TRAPPC9: variants seen among roughly 807,000 people sequenced by gnomAD.
TRAPPC9 encodes IKK2 binding protein.
TRAPPC9 carries 83 observed loss-of-function variants against 124.0 expected under a neutral mutation model. That is an observed-to-expected ratio of 0.67 (90% CI 0.56 to 0.80). TRAPPC9 has a LOEUF of 0.80. TRAPPC9 is among the 30% of genes least tolerant of loss of function. The pLI, the probability that TRAPPC9 is intolerant of heterozygous loss-of-function variation, is 0.00. For missense variants in TRAPPC9, 1,302 were observed against 1,508.3 expected, an observed-to-expected ratio of 0.86 and a Z score of 2.27; for synonymous variants, 638 against 617.5, an observed-to-expected ratio of 1.03 and a Z score of -0.49.
At chr8:140,033,683 T>TTG (rs1840683090) in intron 17 of TRAPPC9, among the ~76,000 whole-genome samples, 6 of 117,974 alleles carry the variant, frequency 5.1e-5, no homozygotes, top group East Asian at 2.4e-4. Flanking sequence ...TTTTTTTTTT[T>TTG]TTTTTTTTTT....
chr8:140,028,831 G>A (rs1840318427), intron 17 of TRAPPC9, among the ~76,000 whole-genome samples: 1 of 152,228 alleles, frequency 6.6e-6, no homozygotes. Flanking sequence ...CATATGCCAG[G>A]TGGGTAGGAG....
intron 21 of TRAPPC9, among the ~76,000 whole-genome samples, chr8:139,775,614 G>A (rs1821302552): frequency 6.6e-6 from 1 of 152,188 alleles, no homozygotes; most frequent in Admixed American, 6.5e-5. Context: ...GACATCTGAG[G>A]CCAGCCTGGT....
At chr8:140,381,806 C>G (rs1183457346) in intron 7 of TRAPPC9, among the ~76,000 whole-genome samples, 5 of 151,102 alleles carry the variant, frequency 3.3e-5, no homozygotes, top group African/African-American at 1.2e-4. Context: ...TGGACAATAA[C>G]AAGTGTTAAT....
At chr8:140,329,038 G>C (rs2066822318) in intron 9 of TRAPPC9, among the ~76,000 whole-genome samples, 1 of 152,088 alleles carries the variant, frequency 6.6e-6, no homozygotes, top group South Asian at 2.1e-4. Context: ...ACCCAGACTA[G>C]GGTAACTAGG....
chr8:140,084,647 A>G (rs1844070628), intron 17 of TRAPPC9, among the ~76,000 whole-genome samples: 1 of 152,252 alleles, frequency 6.6e-6, no homozygotes, highest in East Asian at 1.9e-4. Context: ...GCTGACTGAC[A>G]GGCAGGCCCA....
chr8:139,730,866 G>C lies in TRAPPC9; in HGVS notation c.*195C>G. 1.6e-6 allele frequency: 1 copy of C among 626,500 alleles called. No homozygotes were observed. Among genetic ancestry groups the C allele is most frequent in the African/African-American group, 1.8e-5 (1 of 54,558 alleles). 38.8% of individuals were successfully genotyped at this position (626,500 alleles called of 1,614,324 possible). A position where few individuals can be genotyped will look rare whatever the true frequency, so the allele number is the denominator to read the frequency against. On this transcript the variant is annotated 3_prime_UTR_variant, in exon 23 of 23. Transcript: ENST00000438773. ...TGTAGGAAGGGGCGTGGCATGGGGT[G>C]GGGCTGCCATGTCCGGGGCTTCTGC...
chr8:139,795,972 C>A (rs1211607890), intron 21 of TRAPPC9, among the ~76,000 whole-genome samples: 2 of 151,588 alleles, frequency 1.3e-5, no homozygotes, highest in East Asian at 3.9e-4. Flanking sequence ...ATCTCGCACC[C>A]TTGGTAAGAG....
At chr8:140,100,407 CG>C (rs1288031402) in intron 17 of TRAPPC9, 1 of 152,276 alleles carries the variant, frequency 6.6e-6, no homozygotes, top group Admixed American at 6.5e-5. Flanking sequence ...AGGGTACTGA[CG>C]GTCACCCAGG....
intron 16 of TRAPPC9, among the ~76,000 whole-genome samples, chr8:140,238,109 G>A (rs1375143299): frequency 6.6e-6 from 1 of 152,122 alleles, no homozygotes; most frequent in South Asian, 2.1e-4. Flanking sequence ...GTGAGTCACC[G>A]CCAGCCTGGG....
At chr8:140,393,296 C>T (rs2068986152) in intron 7 of TRAPPC9, among the ~76,000 whole-genome samples, 1 of 152,024 alleles carries the variant, frequency 6.6e-6, no homozygotes, top group East Asian at 1.9e-4. Flanking sequence ...TATTCCAGGT[C>T]GCACAGTGAG....
At chr8:139,824,036 T>C (rs1372126036) in intron 21 of TRAPPC9, among the ~76,000 whole-genome samples, 1 of 152,220 alleles carries the variant, frequency 6.6e-6, no homozygotes, top group Admixed American at 6.5e-5. Flanking sequence ...GCAGTTTACA[T>C]GGGGCTCTCA....
At chr8:140,189,428 G>T (rs551854748) in intron 17 of TRAPPC9, among the ~76,000 whole-genome samples, 1 of 152,226 alleles carries the variant, frequency 6.6e-6, no homozygotes, top group African/African-American at 2.4e-5. Context: ...TCGAACAAGA[G>T]GGGAGGCATT....
intron 17 of TRAPPC9, among the ~76,000 whole-genome samples, chr8:140,114,332 GAAAAAAA>G (rs59499088): frequency 2.6e-5 from 3 of 117,042 alleles, no homozygotes; most frequent in Middle Eastern, 5.1e-3. Context: ...AAGGACTGAA[GAAAAAAA>G]AAAAAAAAAA....
At chr8:139,909,151 C>A (rs868818744) in intron 20 of TRAPPC9, among the ~76,000 whole-genome samples, 11 of 152,192 alleles carry the variant, frequency 7.2e-5, no homozygotes, top group Non-Finnish European at 1.3e-4. Context: ...CCAGACCACA[C>A]AACGGAGCAA....
At chr8:140,083,148 G>A (rs773438301) in intron 17 of TRAPPC9, among the ~76,000 whole-genome samples, 2 of 151,988 alleles carry the variant, frequency 1.3e-5, no homozygotes, top group Middle Eastern at 3.2e-3. Context: ...AGCTGAGATC[G>A]TGCCACTGCA....
intron 3 of TRAPPC9, 77 bp downstream of exon 3, chr8:140,438,975 C>A (rs986622269): frequency 6.3e-7 from 1 of 1,589,970 alleles, no homozygotes; most frequent in Non-Finnish European, 8.6e-7. Context: ...CAGGCGTGAG[C>A]CACCGCACCC....
intron 21 of TRAPPC9, among the ~76,000 whole-genome samples, chr8:139,770,293 C>T (rs1452201470): frequency 6.6e-6 from 1 of 152,242 alleles, no homozygotes; most frequent in South Asian, 2.1e-4. Context: ...GCTGGGACCT[C>T]GACCTGAAGA....
At chr8:140,332,506 A>G (rs1468553214) in intron 9 of TRAPPC9, among the ~76,000 whole-genome samples, 2 of 152,220 alleles carry the variant, frequency 1.3e-5, no homozygotes, top group African/African-American at 4.8e-5. Flanking sequence ...TAAATGTTTG[A>G]AGATGGATTT....
Position 140,112,893 on chromosome 8 carries a change from T to A in TRAPPC9, c.2557-88814A>T, listed in dbSNP as rs373570287. 5.9e-4 allele frequency among the ~76,000 whole-genome samples: 89 copies of A among 150,496 alleles called. 1 individual carries two copies. In the Middle Eastern group the frequency reaches 0.01, roughly 17 times the overall value. On this transcript the variant is annotated intron_variant, in intron 17 of 22. Transcript: ENST00000438773. ...TCTCGCTCTGTCACCCAGTCTGAAG[T>A]GCAGTGGCGCAAACTCAGGTCACTG... is the stretch of plus-strand genomic sequence containing the variant.
Sources: gnomAD v4.1 joint callset for allele counts (sites outside exome capture counted in the v4.1 genomes callset) on GRCh38, gnomAD v4.1.1 for gene constraint, MANE v1.5 for transcripts, NCBI Gene and HGNC (gene_info 2026-07-23, HGNC 2026-07-21) for gene names.